PRKCE: variants seen among roughly 807,000 people sequenced by gnomAD.
The protein encoded by PRKCE is protein kinase C epsilon type.
PRKCE carries 16 observed loss-of-function variants against 85.4 expected under a neutral mutation model. The observed-to-expected ratio is 0.19, with a 90% CI of 0.13 to 0.28. The LOEUF (loss-of-function observed/expected upper bound fraction) is 0.28. Among genes scored for constraint, PRKCE ranks in the 10% least tolerant of loss-of-function variants. The pLI is 1.00. For synonymous variants in PRKCE, 388 were observed against 371.5 expected, an observed-to-expected ratio of 1.04 and a Z score of -0.51; for missense variants, 573 against 975.2, an observed-to-expected ratio of 0.59 and a Z score of 5.49.
chr2:46,158,671 C>T (rs1558513793), intron 13 of PRKCE, among the ~76,000 whole-genome samples: 1 of 152,176 alleles, frequency 6.6e-6, no homozygotes, highest in Non-Finnish European at 1.5e-5. Flanking sequence ...CTCTCAAGTT[C>T]CTCTGTTTAG....
In PRKCE at chr2:46,074,429, C is replaced by CAA. The variant is rs11287357; in HGVS notation, c.1438-11761_1438-11760dup. ...AAACAAACAAACAAACAACAACAAC[C>CAA]AAAAAAAAAAAAAAAAAAAGAAAAA... On this transcript the variant is annotated intron_variant, in intron 10 of 14. Transcript: ENST00000306156. Among the ~76,000 whole-genome samples, 610 of 93,796 alleles carry CAA rather than the reference C, an allele frequency of 6.5e-3. 8 individuals are homozygous for CAA. Among genetic ancestry groups the CAA allele is most frequent in the East Asian group, 8.4e-3 (30 of 3,558 alleles). 61.5% of individuals were successfully genotyped at this position (93,796 alleles called of 152,430 possible).
At chr2:46,028,743 T>G (rs1707307875) in intron 10 of PRKCE, among the ~76,000 whole-genome samples, 1 of 152,248 alleles carries the variant, frequency 6.6e-6, no homozygotes, top group African/African-American at 2.4e-5. Context: ...GGGGGCTTAT[T>G]GTACAGATTA....
intron 1 of PRKCE, among the ~76,000 whole-genome samples, chr2:45,806,759 A>G (rs1044557016): frequency 4.6e-5 from 7 of 152,142 alleles, no homozygotes; most frequent in Non-Finnish European, 8.8e-5. Flanking sequence ...ATGAGTACAG[A>G]TGAGGGAGGA....
intron 1 of PRKCE, among the ~76,000 whole-genome samples, chr2:45,689,513 T>C (rs72884463): frequency 0.057 from 8,574 of 150,664 alleles, 548 homozygotes; most frequent in East Asian, 0.17. Flanking sequence ...TATTTGTTTT[T>C]ATATATTTTA....
chr2:46,027,392 T>G (rs989431665), intron 10 of PRKCE, among the ~76,000 whole-genome samples: 1 of 151,814 alleles, frequency 6.6e-6, no homozygotes, highest in Admixed American at 6.6e-5. Context: ...GAAGTCCAAA[T>G]AGGGACTGAA....
At chr2:45,801,936 A>G (rs751535530) in intron 1 of PRKCE, among the ~76,000 whole-genome samples, 3 of 152,060 alleles carry the variant, frequency 2.0e-5, no homozygotes, top group Non-Finnish European at 4.4e-5. Flanking sequence ...ATAATACTTA[A>G]CATCTAGGCT....
chr2:46,143,179 C>A (rs1675729844), intron 11 of PRKCE, among the ~76,000 whole-genome samples: 1 of 152,164 alleles, frequency 6.6e-6, no homozygotes, highest in South Asian at 2.1e-4. Context: ...TGCAATGGAA[C>A]TGTTTAATGG....
intron 10 of PRKCE, among the ~76,000 whole-genome samples, chr2:46,012,563 C>G (rs1241014161): frequency 6.6e-6 from 1 of 152,182 alleles, no homozygotes; most frequent in African/African-American, 2.4e-5. Flanking sequence ...CTCCCTCTCA[C>G]TATCTGAGGT....
intron 2 of PRKCE, among the ~76,000 whole-genome samples, chr2:45,924,756 G>A (rs887358006): frequency 5.3e-5 from 8 of 152,178 alleles, no homozygotes; most frequent in South Asian, 2.1e-4. Context: ...ATGTCTTTTC[G>A]TCTATACTTA....
At chr2:46,048,212 C>G (rs1420997467) in intron 10 of PRKCE, among the ~76,000 whole-genome samples, 1 of 152,090 alleles carries the variant, frequency 6.6e-6, no homozygotes, top group East Asian at 1.9e-4. Flanking sequence ...TCTGACTAGC[C>G]ATAGGACCTT....
intron 11 of PRKCE, among the ~76,000 whole-genome samples, chr2:46,118,248 C>T (rs556925626): frequency 2.0e-5 from 3 of 152,288 alleles, no homozygotes; most frequent in East Asian, 1.9e-4. Flanking sequence ...GGAACCATCA[C>T]CAGGAGGAAA....
rs1381887875 is a variant in PRKCE at position 46,001,740 on chromosome 2, A to G, written c.966+194A>G. On this transcript the variant is annotated intron_variant, in intron 7 of 14. Coordinates refer to ENST00000306156, the MANE Select transcript of PRKCE (RefSeq NM_005400.3). The surrounding 1 kb of genome is among the most constrained non-coding windows in gnomAD (Gnocchi z 4.4). The stretch of plus-strand genomic sequence containing the variant: ...CATTAATGTCTTCTTGAGCTCCAAA[A>G]GTGGACTGAAAACACAGCAAGCCTC... 6.6e-6 allele frequency among the ~76,000 whole-genome samples: 1 copy of G among 152,228 alleles called. No homozygotes were observed. The highest frequency in any genetic ancestry group is 1.5e-5 in the Non-Finnish European group (1 of 68,034).
intron 13 of PRKCE, among the ~76,000 whole-genome samples, chr2:46,152,796 C>G (rs1034135687): frequency 6.6e-6 from 1 of 152,156 alleles, no homozygotes; most frequent in Non-Finnish European, 1.5e-5. Flanking sequence ...ATCCACCCAC[C>G]TCGGCTTCCC....
chr2:46,173,465 G>A (rs281476), intron 14 of PRKCE, among the ~76,000 whole-genome samples: 113,358 of 152,202 alleles, frequency 0.74, 42,880 homozygotes, highest in East Asian at 0.96. Flanking sequence ...TGATTGAGCC[G>A]TGGAATTTAG....
intron 11 of PRKCE, among the ~76,000 whole-genome samples, chr2:46,091,438 A>G (rs775034485): frequency 1.3e-5 from 2 of 152,160 alleles, no homozygotes; most frequent in Admixed American, 6.5e-5. Flanking sequence ...TGAAGGAGAA[A>G]TTTTGTGATG....
chr2:45,793,833 C>A (rs774944591), intron 1 of PRKCE, among the ~76,000 whole-genome samples: 1 of 152,210 alleles, frequency 6.6e-6, no homozygotes, highest in African/African-American at 2.4e-5. Context: ...GGGTCTCACA[C>A]TGACTGGTGA....
intron 2 of PRKCE, among the ~76,000 whole-genome samples, chr2:45,934,350 C>T (rs557350599): frequency 1.3e-5 from 2 of 152,240 alleles, no homozygotes; most frequent in South Asian, 4.1e-4. Flanking sequence ...AGATAAATTT[C>T]CTATAAAATT....
intron 6 of PRKCE, among the ~76,000 whole-genome samples, chr2:45,993,274 C>T (rs1294257533): frequency 6.6e-6 from 1 of 152,242 alleles, no homozygotes; most frequent in African/African-American, 2.4e-5. Context: ...ACACCTGCAG[C>T]CTCCAGGAGC....
At chr2:45,903,354 G>A (rs146948511) in intron 2 of PRKCE, among the ~76,000 whole-genome samples, 2 of 152,312 alleles carry the variant, frequency 1.3e-5, no homozygotes, top group East Asian at 3.9e-4. Context: ...TCCATAGACA[G>A]AGCATCCCCT....
Sources: allele counts gnomAD v4.1 joint callset (sites outside exome capture counted in the v4.1 genomes callset), GRCh38; gene constraint gnomAD v4.1.1; non-coding constraint Gnocchi (gnomAD v3.1); transcripts MANE v1.5; gene names NCBI Gene and HGNC (gene_info 2026-07-23, HGNC 2026-07-21).